The following SOX13 variants were observed in gnomAD, a reference collection of about 807,000 sequenced individuals.
The protein encoded by SOX13 is transcription factor SOX-13.
In SOX13, 28 loss-of-function variants were observed where a neutral mutation model predicts 71.8. That is an observed-to-expected ratio of 0.39 (90% CI 0.29 to 0.53). The LOEUF is 0.53. SOX13 is among the 20% of genes least tolerant of loss of function. The pLI is 0.70. For missense variants in SOX13, 627 were observed against 810.3 expected, an observed-to-expected ratio of 0.77 and a Z score of 2.75; for synonymous variants, 309 against 317.8, an observed-to-expected ratio of 0.97 and a Z score of 0.29.
chr1:204,099,305 T>A (rs538558114), intron 1 of SOX13, among the ~76,000 whole-genome samples: 30 of 152,298 alleles, frequency 2.0e-4, no homozygotes, highest in Middle Eastern at 3.4e-3. Context: ...AAAGGCTAAA[T>A]CCTTATAGAT....
Position 204,123,227 on chromosome 1 carries a change from G to T in SOX13, c.1231+19G>T. 6.3e-7 allele frequency: 1 copy of T among 1,591,488 alleles called. No homozygotes were observed. Among genetic ancestry groups the T allele is most frequent in the African/African-American group, 1.3e-5 (1 of 74,660 alleles). On this transcript the variant is annotated intron_variant, in intron 11 of 13. Transcript: ENST00000367204. This position sits in a 1 kb window ranked among gnomAD's most constrained non-coding sequence, Gnocchi z 5.0. ...ATGGATGGTGAGGGCTCAGGCGCAG[G>T]GCTGATGCGCAGGAGGGCCCAACTC...
chr1:204,080,320 C>G (rs979853106), intron 1 of SOX13, among the ~76,000 whole-genome samples: 2 of 150,980 alleles, frequency 1.3e-5, no homozygotes, highest in Non-Finnish European at 2.9e-5. Flanking sequence ...GGTGTTACCC[C>G]CAACATTGTC....
At chr1:204,124,973 G>A (rs1656891099) in intron 13 of SOX13, 116 bp downstream of exon 13, 1 of 730,608 alleles carries the variant, frequency 1.4e-6, no homozygotes. Flanking sequence ...GGTGCTGTGT[G>A]TATGCGTACG....
At chr1:204,113,204 AG>A (rs1237322440) in intron 2 of SOX13, 70 bp downstream of exon 2, 1 of 1,270,220 alleles carries the variant, frequency 7.9e-7, no homozygotes, top group Non-Finnish European at 1.1e-6. Context: ...TCGGCTGGGC[AG>A]GCCCACTCCC....
At chr1:204,091,944 T>C (rs1191054693) in intron 1 of SOX13, among the ~76,000 whole-genome samples, 1 of 152,226 alleles carries the variant, frequency 6.6e-6, no homozygotes, top group Admixed American at 6.5e-5. Context: ...GTTTGTTCTT[T>C]TGTTCATTCT....
intron 4 of SOX13, among the ~76,000 whole-genome samples, chr1:204,115,146 C>T (rs1258162443): frequency 6.6e-6 from 1 of 151,878 alleles, no homozygotes; most frequent in Non-Finnish European, 1.5e-5. Flanking sequence ...GCTGGGAACA[C>T]AGGCACCTGC....
intron 1 of SOX13, among the ~76,000 whole-genome samples, chr1:204,111,228 ACTC>A (rs377416118): frequency 2.0e-5 from 3 of 152,136 alleles, no homozygotes; most frequent in African/African-American, 7.2e-5. Flanking sequence ...ATAAATATCA[ACTC>A]CTAGTCCTCA....
chr1:204,122,144 T>C lies in SOX13; in HGVS notation c.862-93T>C, dbSNP rs567331795. 3.4e-6 allele frequency: 4 copies of C among 1,181,922 alleles called. No individual in the cohort carries two copies. The African/African-American group carries it at 6.1e-5, about 18-fold the overall frequency. The allele number at this position is 1,181,922 out of a possible 1,614,324, so 73.2% of individuals were successfully genotyped here. ...CCACTTTTCTGTCTGTCTCCTTGTG[T>C]GTTCTGGGTATGCTCACCTCACTTC... On this transcript the variant is annotated intron_variant, in intron 8 of 13. Coordinates refer to ENST00000367204, the MANE Select transcript of SOX13 (RefSeq NM_005686.3).
chr1:204,085,646 G>A (rs1229135558), intron 1 of SOX13, among the ~76,000 whole-genome samples: 1 of 151,120 alleles, frequency 6.6e-6, no homozygotes, highest in Non-Finnish European at 1.5e-5. Flanking sequence ...GGTCAAGAAT[G>A]TAGGAATTAC....
chr1:204,079,994 A>G (rs1252313076), intron 1 of SOX13, among the ~76,000 whole-genome samples: 1 of 151,852 alleles, frequency 6.6e-6, no homozygotes, highest in African/African-American at 2.4e-5. Context: ...CAGCTAGGAG[A>G]CGTCCCGAGA....
intron 1 of SOX13, among the ~76,000 whole-genome samples, chr1:204,099,352 G>A (rs1451537012): frequency 6.7e-6 from 1 of 149,386 alleles, no homozygotes; most frequent in Admixed American, 6.6e-5. Flanking sequence ...CCTATGGTCT[G>A]ACTGAGAGGT....
intron 1 of SOX13, among the ~76,000 whole-genome samples, chr1:204,100,920 G>C (rs1416579871): frequency 6.6e-6 from 1 of 152,208 alleles, no homozygotes; most frequent in Non-Finnish European, 1.5e-5. Flanking sequence ...CTAGAGCCTT[G>C]GCTGCCATGA....
chr1:204,082,753 A>T (rs1655935219), intron 1 of SOX13, among the ~76,000 whole-genome samples: 1 of 152,140 alleles, frequency 6.6e-6, no homozygotes, highest in Non-Finnish European at 1.5e-5. Context: ...AGGGTCAGAG[A>T]ATAGAGAAAG....
In SOX13 at chr1:204,126,266, C is replaced by A; in HGVS notation, c.*132C>A. The A allele has an allele frequency of 2.0e-6, 2 of 982,820 alleles. No homozygotes were observed. The highest frequency in any genetic ancestry group is 3.0e-6 in the Non-Finnish European group (2 of 663,264). The allele number at this position is 982,820 out of a possible 1,614,324, so 60.9% of individuals were successfully genotyped here. A position where few individuals can be genotyped will look rare whatever the true frequency, so the allele number is the denominator to read the frequency against. On this transcript the variant is annotated 3_prime_UTR_variant, in exon 14 of 14. Transcript: ENST00000367204. ...TGCCCCAGAGATGGGCAAAGCTGTG[C>A]ACTTGCAGATACATTCATGAGGGGA...
rs183350299 is a variant in SOX13, at chr1:204,082,929, C to T, written c.-2+9218C>T. ...GCCTTTCTTAGAGTTGTGCAGTGCACAGTCTGTACAACTGTACACGATAGC... is the reference window on the plus strand; with the variant it reads ...GCCTTTCTTAGAGTTGTGCAGTGCATAGTCTGTACAACTGTACACGATAGC... On this transcript the variant is annotated intron_variant, in intron 1 of 13. Transcript: ENST00000367204. Among the ~76,000 whole-genome samples, 39 of 152,280 alleles carry T rather than the reference C, an allele frequency of 2.6e-4. No individual in the cohort carries two copies. The East Asian group carries it at 4.6e-3, about 18-fold the overall frequency.
At chr1:204,080,079 A>T (rs1655871803) in intron 1 of SOX13, among the ~76,000 whole-genome samples, 1 of 151,988 alleles carries the variant, frequency 6.6e-6, no homozygotes, top group African/African-American at 2.4e-5. Context: ...ATAGTAGAGG[A>T]AAAGAAGGAA....
At chr1:204,110,383 A>G (rs1052152979) in intron 1 of SOX13, among the ~76,000 whole-genome samples, 9 of 150,390 alleles carry the variant, frequency 6.0e-5, no homozygotes, top group Admixed American at 3.3e-4. Context: ...CAAAAAAAAT[A>G]CAATACTCCT....
intron 1 of SOX13, among the ~76,000 whole-genome samples, chr1:204,096,194 G>A (rs1042478178): frequency 6.6e-6 from 1 of 150,538 alleles, no homozygotes; most frequent in Non-Finnish European, 1.5e-5. Flanking sequence ...AATTTCTTGA[G>A]GACCCGCCAT....
chr1:204,089,832 C>T (rs1571570156), intron 1 of SOX13, among the ~76,000 whole-genome samples: 1 of 152,224 alleles, frequency 6.6e-6, no homozygotes, highest in Non-Finnish European at 1.5e-5. Context: ...TCTCTATCCA[C>T]CTGTCACGTA....
Sources: gnomAD v4.1 joint callset for allele counts (sites outside exome capture counted in the v4.1 genomes callset) on GRCh38, gnomAD v4.1.1 for gene constraint, Gnocchi (gnomAD v3.1) non-coding constraint, MANE v1.5 for transcripts, NCBI Gene and HGNC (gene_info 2026-07-23, HGNC 2026-07-21) for gene names.